MTA3: variants seen among roughly 807,000 people sequenced by gnomAD.
MTA3 encodes the protein metastasis-associated protein MTA3.
In MTA3, 34 loss-of-function variants were observed where a neutral mutation model predicts 83.5. That is an observed-to-expected ratio of 0.41 (90% CI 0.31 to 0.54). MTA3 has a LOEUF of 0.54. MTA3 is among the 20% of genes least tolerant of loss of function. The pLI is 0.33. For missense variants in MTA3, 761 were observed against 726.4 expected, an observed-to-expected ratio of 1.05 and a Z score of -0.55; for synonymous variants, 303 against 252.7, an observed-to-expected ratio of 1.20 and a Z score of -1.89.
At chr2:42,535,772 T>C (rs1676199185) in intron 2 of MTA3, among the ~76,000 whole-genome samples, 1 of 152,078 alleles carries the variant, frequency 6.6e-6, no homozygotes, top group South Asian at 2.1e-4. Context: ...CCTGTCACTC[T>C]GAAAGGATCC....
intron 8 of MTA3, 53 bp downstream of exon 8, chr2:42,659,915 A>G (rs775668836): frequency 5.7e-6 from 8 of 1,410,224 alleles, no homozygotes; most frequent in Non-Finnish European, 7.7e-6. Flanking sequence ...TACTTGTTTA[A>G]TTTTAAAGCC....
chr2:42,700,656 G>A lies in MTA3; in HGVS notation c.1025+2822G>A, dbSNP rs374824759. Among the ~76,000 whole-genome samples the A allele has an allele frequency of 2.0e-5, 3 of 152,030 alleles. No homozygotes were observed. In the East Asian group the frequency reaches 5.8e-4, roughly 29 times the overall value. On this transcript the variant is annotated intron_variant, in intron 11 of 16. Coordinates refer to ENST00000405094, the MANE Select transcript of MTA3 (RefSeq NM_001330442.2). ...CTCTGGCCAGTCATTTGACCCCAAG[G>A]GGAAATCAGTTCTATCTATATATAG...
At chr2:42,526,924 C>A (rs1347697947) in intron 2 of MTA3, among the ~76,000 whole-genome samples, 1 of 151,746 alleles carries the variant, frequency 6.6e-6, no homozygotes, top group African/African-American at 2.4e-5. Flanking sequence ...TGTGGTGATG[C>A]TTGCCTGTAG....
At chr2:42,620,259 C>T (rs1001270352) in intron 4 of MTA3, among the ~76,000 whole-genome samples, 1 of 151,930 alleles carries the variant, frequency 6.6e-6, no homozygotes, top group African/African-American at 2.4e-5. Flanking sequence ...GCTGGAATTA[C>T]AGATGTGCAC....
chr2:42,620,893 A>T (rs982274356), intron 4 of MTA3, among the ~76,000 whole-genome samples: 7 of 152,196 alleles, frequency 4.6e-5, no homozygotes, highest in Non-Finnish European at 8.8e-5. Context: ...ACTGAAAGCT[A>T]AACTATGTTT....
chr2:42,609,712 G>T, intron 4 of MTA3, 128 bp downstream of exon 4: 1 of 1,069,790 alleles, frequency 9.3e-7, no homozygotes, highest in Non-Finnish European at 1.3e-6. Flanking sequence ...CTTCATAATG[G>T]AATTTTAGGT....
chr2:42,560,109 G>A (rs1199733814), intron 2 of MTA3, among the ~76,000 whole-genome samples: 2 of 151,558 alleles, frequency 1.3e-5, no homozygotes, highest in East Asian at 1.9e-4. Context: ...TGTAACCTCC[G>A]CCTCCCAGGT....
At chr2:42,629,691 T>G (rs1250554428) in intron 4 of MTA3, among the ~76,000 whole-genome samples, 1 of 152,106 alleles carries the variant, frequency 6.6e-6, no homozygotes, top group Non-Finnish European at 1.5e-5. Context: ...GGTGAAGTCA[T>G]GAAGTGAGGG....
At chr2:42,641,850 G>C (rs965423981) in intron 5 of MTA3, among the ~76,000 whole-genome samples, 5 of 151,842 alleles carry the variant, frequency 3.3e-5, no homozygotes, top group Non-Finnish European at 1.5e-5. Context: ...CTGGGTGACA[G>C]AGTGAGACCT....
At chr2:42,539,078 A>G (rs1278009414) in intron 2 of MTA3, among the ~76,000 whole-genome samples, 1 of 152,148 alleles carries the variant, frequency 6.6e-6, no homozygotes, top group Non-Finnish European at 1.5e-5. Flanking sequence ...CCGGCCTGAA[A>G]AAAATGTTAT....
intron 3 of MTA3, among the ~76,000 whole-genome samples, chr2:42,587,412 C>G (rs1446956799): frequency 6.6e-6 from 1 of 152,144 alleles, no homozygotes; most frequent in Non-Finnish European, 1.5e-5. Flanking sequence ...AAACCCAGTT[C>G]TCCCCGACAA....
At chr2:42,497,694 A>T (rs1572879929) in intron 2 of MTA3, among the ~76,000 whole-genome samples, 1 of 152,068 alleles carries the variant, frequency 6.6e-6, no homozygotes, top group East Asian at 1.9e-4. Flanking sequence ...AACCTCATTG[A>T]TCTTCAGTTT....
chr2:42,598,153 A>G (rs1682070123), intron 3 of MTA3, among the ~76,000 whole-genome samples: 1 of 151,076 alleles, frequency 6.6e-6, no homozygotes, highest in Admixed American at 6.6e-5. Flanking sequence ...GCTCACTGCA[A>G]CCTCCACCTT....
In MTA3 at chr2:42,756,528, C is replaced by G; in HGVS notation, c.*3129C>G. 1.0e-6 allele frequency: 1 copy of G among 985,794 alleles called. No individual in the cohort carries two copies. The highest frequency in any genetic ancestry group is 1.2e-6 in the Non-Finnish European group (1 of 830,224). 61.1% of individuals were successfully genotyped at this position (985,794 alleles called of 1,614,324 possible). On this transcript the variant is annotated 3_prime_UTR_variant, in exon 17 of 17. Transcript: ENST00000405094. ...ATGTCTGAGCCTGGTGTTTATGCCCCACTGCTGTCCTAAGTCCCTGGCGAG... is the reference window on the plus strand; with the variant it reads ...ATGTCTGAGCCTGGTGTTTATGCCCGACTGCTGTCCTAAGTCCCTGGCGAG...
chr2:42,622,089 C>T lies in MTA3; in HGVS notation c.317+12505C>T, dbSNP rs74344135. Among the ~76,000 whole-genome samples, 1,467 of 152,238 alleles carry T rather than the reference C, an allele frequency of 9.6e-3. 14 individuals carry two copies. The highest frequency in any genetic ancestry group is 0.02 in the Middle Eastern group (6 of 294). On this transcript the variant is annotated intron_variant, in intron 4 of 16. Coordinates refer to ENST00000405094, the MANE Select transcript of MTA3 (RefSeq NM_001330442.2). Reference sequence around the variant, plus strand: ...TGGAGGTTGTAGCGAGCCGAGATCACGCCACTGCACTCCAGCCTGGGCAAC... The same window carrying T: ...TGGAGGTTGTAGCGAGCCGAGATCATGCCACTGCACTCCAGCCTGGGCAAC...
In MTA3 at chr2:42,756,392, T is replaced by C. The variant is rs558715768; in HGVS notation, c.*2993T>C. 3.9e-5 allele frequency: 35 copies of C among 896,446 alleles called. 1 individual carries two copies. The South Asian group carries it at 1.6e-3, about 41-fold the overall frequency. 55.5% of individuals were successfully genotyped at this position (896,446 alleles called of 1,614,324 possible). A position where few individuals can be genotyped will look rare whatever the true frequency, so the allele number is the denominator to read the frequency against. On this transcript the variant is annotated 3_prime_UTR_variant, in exon 17 of 17. Transcript: ENST00000405094. ...GAAACCCAGTTGGAAGCAGCTGCCC[T>C]GGGAGCCTGGGACAGGCGACCCACC...
At chr2:42,505,381 G>C (rs1468757006) in intron 2 of MTA3, among the ~76,000 whole-genome samples, 1 of 151,996 alleles carries the variant, frequency 6.6e-6, no homozygotes, top group Admixed American at 6.6e-5. Context: ...GACAGAGTGA[G>C]ACTTCATCTC....
upstream of MTA3, among the ~76,000 whole-genome samples, chr2:42,566,131 C>T (rs1461771772): frequency 6.6e-6 from 1 of 152,148 alleles, no homozygotes; most frequent in African/African-American, 2.4e-5. Context: ...TATAGTTAAA[C>T]TGCCAAACTA....
intron 9 of MTA3, among the ~76,000 whole-genome samples, chr2:42,691,363 A>T (rs1283784450): frequency 2.0e-5 from 3 of 152,144 alleles, no homozygotes; most frequent in Admixed American, 6.6e-5. Context: ...CTCTTAGAAC[A>T]TCGTACACAC....
Sources: allele counts gnomAD v4.1 joint callset (sites outside exome capture counted in the v4.1 genomes callset), GRCh38; gene constraint gnomAD v4.1.1; transcripts MANE v1.5; gene names NCBI Gene and HGNC (gene_info 2026-07-23, HGNC 2026-07-21).